ZNF568: variants seen among roughly 807,000 people sequenced by gnomAD.
The protein encoded by ZNF568 is zinc finger protein 568, also known as p53 inhibitor of SCO2 activation.
A neutral mutation model predicts 18.1 loss-of-function variants in ZNF568; 11 were observed. That is an observed-to-expected ratio of 0.61 (90% CI 0.38 to 1.00). The LOEUF (loss-of-function observed/expected upper bound fraction) is 1.00, where lower values mean the gene tolerates loss of function less well. ZNF568 is among the 50% of genes least tolerant of loss of function. ZNF568 has a pLI of 0.01. For missense variants in ZNF568, 639 were observed against 768.2 expected, an observed-to-expected ratio of 0.83 and a Z score of 1.99; for synonymous variants, 213 against 246.6, an observed-to-expected ratio of 0.86 and a Z score of 1.28.
At chr19:36,975,151 T>TCTTC (rs1555738266) in intron 7 of ZNF568, among the ~76,000 whole-genome samples, 1 of 140,742 alleles carries the variant, frequency 7.1e-6, no homozygotes, top group African/African-American at 2.9e-5. Context: ...TTTCTTTCTT[T>TCTTC]CTTTTTTTTT....
chr19:36,939,511 C>T, intron 6 of ZNF568, among the ~76,000 whole-genome samples: 2 of 141,436 alleles, frequency 1.4e-5, no homozygotes, highest in African/African-American at 2.6e-5. Context: ...CTTTAAGGTT[C>T]ATTGAAGATG....
At chr19:36,947,674 C>CT (rs914793088) in intron 6 of ZNF568, among the ~76,000 whole-genome samples, 2 of 151,964 alleles carry the variant, frequency 1.3e-5, no homozygotes, top group Admixed American at 6.6e-5. Flanking sequence ...ACCCACTCCA[C>CT]TTTTTTTTGA....
chr19:36,980,885 A>T (rs947598539), downstream of ZNF568, among the ~76,000 whole-genome samples: 10 of 152,166 alleles, frequency 6.6e-5, no homozygotes, highest in African/African-American at 2.4e-4. Context: ...AAGTCCCAAG[A>T]CCGATTACAT....
intron 6 of ZNF568, among the ~76,000 whole-genome samples, chr19:36,960,676 C>T (rs112144193): frequency 0.013 from 1,984 of 151,000 alleles, 45 homozygotes; most frequent in African/African-American, 0.045. Context: ...TGCAGTAAGC[C>T]GAGATCATGC....
At chr19:36,982,660 C>T (rs950457686), downstream of ZNF568, among the ~76,000 whole-genome samples, 3 of 151,996 alleles carry the variant, frequency 2.0e-5, no homozygotes, top group Non-Finnish European at 2.9e-5. Flanking sequence ...GAGCCAGGAT[C>T]GCGCCATTGC....
At chr19:36,941,861 A>G (rs766876080) in intron 6 of ZNF568, among the ~76,000 whole-genome samples, 1 of 152,144 alleles carries the variant, frequency 6.6e-6, no homozygotes, top group Non-Finnish European at 1.5e-5. Flanking sequence ...GTCAGATTAT[A>G]GCAGTGCTGT....
At chr19:36,962,278 T>TTTG (rs2074158434) in intron 6 of ZNF568, among the ~76,000 whole-genome samples, 1 of 3,916 alleles carries the variant, frequency 2.6e-4, no homozygotes, top group Non-Finnish European at 9.6e-4. Context: ...TGTTGCAGTG[T>TTTG]TTTTTTTTTT....
intron 7 of ZNF568, among the ~76,000 whole-genome samples, chr19:36,975,681 C>CTTTTTTTTTTTTTTTTTTTTTTTTT: frequency 1.3e-5 from 1 of 75,776 alleles, no homozygotes; most frequent in Non-Finnish European, 2.3e-5. Flanking sequence ...CGCGCCAAGA[C>CTTTTTTTTTTTTTTTTTTTTTTTTT]TTTTTTTTTT....
At chr19:36,985,500 T>A (rs1270183797) in intron 2 of ZNF568, among the ~76,000 whole-genome samples, 1 of 121,594 alleles carries the variant, frequency 8.2e-6, no homozygotes, top group Non-Finnish European at 1.7e-5. Context: ...TTTGCATGTT[T>A]TTGTTTGTTT....
chr19:36,992,540 A>G (rs1419780831), intron 4 of ZNF568, among the ~76,000 whole-genome samples: 1 of 152,096 alleles, frequency 6.6e-6, no homozygotes, highest in Non-Finnish European at 1.5e-5. Flanking sequence ...AGCTCCATTT[A>G]CTAGGCTCTC....
At chr19:36,975,189 C>T (rs1170627083) in intron 7 of ZNF568, among the ~76,000 whole-genome samples, 2 of 148,400 alleles carry the variant, frequency 1.3e-5, no homozygotes, top group African/African-American at 5.0e-5. Context: ...CCTCTGTTGC[C>T]CAGGCTGGAG....
intron 6 of ZNF568, among the ~76,000 whole-genome samples, chr19:36,968,734 AAAC>A (rs1462014329): frequency 2.0e-5 from 3 of 151,872 alleles, no homozygotes; most frequent in Non-Finnish European, 2.9e-5. Context: ...AAAAAAAAAA[AAAC>A]ATGTTTAGTA....
rs2074224889 is a variant in ZNF568 at position 36,969,945 on chromosome 19, T to C, written c.359-4475T>C. ...GCCTGGCTAATTTTTGTATTTTTAG[T>C]AGAGACTGGGTTTCACCACGTTGTC... is the stretch of plus-strand genomic sequence containing the variant. On this transcript the variant is annotated intron_variant, in intron 6 of 7. Transcript: ENST00000427117. Among the ~76,000 whole-genome samples, 2 of 121,808 alleles carry C rather than the reference T, an allele frequency of 1.6e-5. 1 individual carries two copies. Among genetic ancestry groups the C allele is most frequent in the African/African-American group, 6.5e-5 (2 of 30,556 alleles). The allele number at this position is 121,808 out of a possible 152,430, so 79.9% of individuals were successfully genotyped here.
At chr19:36,947,199 A>G (rs2073981883) in intron 6 of ZNF568, among the ~76,000 whole-genome samples, 1 of 151,712 alleles carries the variant, frequency 6.6e-6, no homozygotes, top group Admixed American at 6.6e-5. Context: ...TATTTTTAGT[A>G]GAGACGGGGT....
chr19:36,939,431 G>C (rs2073842057), intron 6 of ZNF568, among the ~76,000 whole-genome samples: 1 of 151,896 alleles, frequency 6.6e-6, no homozygotes, highest in Non-Finnish European at 1.5e-5. Context: ...GCTATCTCTG[G>C]GTTTCTTCCC....
At position 36,997,009 on chromosome 19, in the gene ZNF568, CG is replaced by C; in HGVS notation, c.923del (p.Arg308HisfsTer27). 6.4e-7 allele frequency: 1 copy of C among 1,553,418 alleles called. No individual in the cohort carries two copies. Among genetic ancestry groups the C allele is most frequent in the Non-Finnish European group, 8.7e-7 (1 of 1,155,672 alleles). ...CTTTACCCGTCCCTCACACCTTTTT[CG>C]ACATCAAAGAATCCATACGGGTGAG... On this transcript the variant is annotated frameshift_variant, in exon 5 of 5. Coordinates refer to the ZNF568 transcript ENST00000433993. LOFTEE classifies it low-confidence loss of function (END_TRUNC).
intron 6 of ZNF568, among the ~76,000 whole-genome samples, chr19:36,939,071 C>T (rs948994266): frequency 1.3e-5 from 2 of 152,168 alleles, no homozygotes; most frequent in African/African-American, 4.8e-5. Flanking sequence ...CTCTATACCT[C>T]ACACTGACCT....
At chr19:36,990,386 G>A (rs922458554) in intron 2 of ZNF568, among the ~76,000 whole-genome samples, 10 of 152,162 alleles carry the variant, frequency 6.6e-5, no homozygotes, top group East Asian at 1.9e-4. Context: ...AGGCCAAGGC[G>A]GGTAGATCAC....
chr19:36,924,330 TGCCTCA>T (rs1450605041), intron 3 of ZNF568, among the ~76,000 whole-genome samples: 1 of 151,700 alleles, frequency 6.6e-6, no homozygotes. Flanking sequence ...GCGATTCTCC[TGCCTCA>T]GCCTCCCAAG....
Sources: gnomAD v4.1 joint callset for allele counts (sites outside exome capture counted in the v4.1 genomes callset) on GRCh38, gnomAD v4.1.1 for gene constraint, MANE v1.5 for transcripts, NCBI Gene and HGNC (gene_info 2026-07-23, HGNC 2026-07-21) for gene names.